Variants in APBB1IP observed in about 807,000 individuals in gnomAD.
APBB1IP encodes amyloid beta precursor protein binding family B member 1 interacting protein.
APBB1IP carries 27 observed loss-of-function variants against 64.9 expected under a neutral mutation model. The observed-to-expected ratio is 0.42, with a 90% CI of 0.31 to 0.57. The LOEUF (loss-of-function observed/expected upper bound fraction) is 0.57, where lower values mean the gene tolerates loss of function less well. Ranked by LOEUF, APBB1IP falls within the 20% of genes least tolerant of loss-of-function variation. The pLI, the probability that APBB1IP is intolerant of heterozygous loss-of-function variation, is 0.20. For synonymous variants in APBB1IP, 392 were observed against 331.0 expected, an observed-to-expected ratio of 1.18 and a Z score of -2.00; for missense variants, 812 against 845.5, an observed-to-expected ratio of 0.96 and a Z score of 0.49.
chr10:26,466,959 C>A (rs1564352435), intron 2 of APBB1IP, among the ~76,000 whole-genome samples: 1 of 151,880 alleles, frequency 6.6e-6, no homozygotes. Context: ...ATGTAGTTGT[C>A]CAGGGCAGGA....
At chr10:26,502,537 G>A (rs1038225911) in intron 5 of APBB1IP, among the ~76,000 whole-genome samples, 2 of 151,950 alleles carry the variant, frequency 1.3e-5, no homozygotes, top group African/African-American at 4.8e-5. Flanking sequence ...AGCTACTCAG[G>A]AGGCTGAGGC....
rs370531075 is a variant in APBB1IP at position 26,563,460 on chromosome 10, C to T, written c.1473+1031C>T. Among the ~76,000 whole-genome samples, 9 of 152,200 alleles carry T rather than the reference C, an allele frequency of 5.9e-5. No individual in the cohort carries two copies. In the East Asian group the frequency reaches 7.7e-4, roughly 13 times the overall value. ...TCCCCAGGTGATGGAGGAGAAAATA[C>T]ATTGTAAAATAATAGCCAAATTGGT... On this transcript the variant is annotated intron_variant, in intron 14 of 14. Transcript: ENST00000376236.
intron 2 of APBB1IP, among the ~76,000 whole-genome samples, chr10:26,440,959 T>C (rs531119075): frequency 1.1e-4 from 17 of 152,338 alleles, no homozygotes; most frequent in African/African-American, 3.6e-4. Context: ...TAAAACATTT[T>C]AGTGAGTCCA....
chr10:26,475,442 T>C (rs185227543), intron 2 of APBB1IP, among the ~76,000 whole-genome samples: 46 of 152,282 alleles, frequency 3.0e-4, no homozygotes, highest in African/African-American at 9.6e-4. Flanking sequence ...TTTCTTTGTG[T>C]GGATTTGAGT....
intron 8 of APBB1IP, among the ~76,000 whole-genome samples, chr10:26,515,993 G>A (rs1836321361): frequency 6.6e-6 from 1 of 152,142 alleles, no homozygotes; most frequent in Admixed American, 6.5e-5. Context: ...CTAAAGAAGT[G>A]GCCGAGGCAA....
At chr10:26,514,455 A>G (rs1836299438) in intron 8 of APBB1IP, among the ~76,000 whole-genome samples, 2 of 152,220 alleles carry the variant, frequency 1.3e-5, no homozygotes, top group Admixed American at 1.3e-4. Context: ...AAAAGCATAA[A>G]TTTATATTTG....
chr10:26,462,378 TC>T (rs1178331748), intron 2 of APBB1IP, among the ~76,000 whole-genome samples: 1 of 152,228 alleles, frequency 6.6e-6, no homozygotes, highest in Non-Finnish European at 1.5e-5. Flanking sequence ...GCCATTGGTT[TC>T]TGGTAGATAA....
chr10:26,541,689 A>G lies in APBB1IP; in HGVS notation c.1152A>G (p.Leu384=), dbSNP rs763833701. 1 of 1,592,720 alleles carries G rather than the reference A, an allele frequency of 6.3e-7. No homozygotes were observed. Among genetic ancestry groups the G allele is most frequent in the South Asian group, 1.1e-5 (1 of 88,080 alleles). Residue 384 remains leucine (L), a synonymous_variant, in exon 11 of 15, where the codon TTA becomes TTG. Coordinates refer to ENST00000376236, the MANE Select transcript of APBB1IP (RefSeq NM_019043.4). ...CGCCCACTGACTATTGCTTTGTTTTAAAGGTATGTTATAAGAAGTCATTCA... is the reference window on the plus strand; with the variant it reads ...CGCCCACTGACTATTGCTTTGTTTTGAAGGTATGTTATAAGAAGTCATTCA... ...YKAPTDYCFV[L]KHPQIQKESQ...
At chr10:26,489,282 A>G (rs1835928462) in intron 2 of APBB1IP, among the ~76,000 whole-genome samples, 1 of 152,238 alleles carries the variant, frequency 6.6e-6, no homozygotes, top group Admixed American at 6.5e-5. Flanking sequence ...AAGAAAAGTC[A>G]CTGCAGGGAG....
chr10:26,531,303 T>G lies in APBB1IP; in HGVS notation c.814-2136T>G, dbSNP rs1588607003. 2.0e-5 allele frequency among the ~76,000 whole-genome samples: 3 copies of G among 151,994 alleles called. No homozygotes were observed. In the South Asian group the frequency reaches 6.2e-4, roughly 32 times the overall value. ...GTGAGCCAAGATTGCACCACAGCAC[T>G]CCAGCCTGGGTGACAGAGCAAGACG... On this transcript the variant is annotated intron_variant, in intron 8 of 14. Coordinates refer to ENST00000376236, the MANE Select transcript of APBB1IP (RefSeq NM_019043.4).
At chr10:26,542,492 C>T (rs1836709026) in intron 11 of APBB1IP, among the ~76,000 whole-genome samples, 1 of 152,208 alleles carries the variant, frequency 6.6e-6, no homozygotes, top group South Asian at 2.1e-4. Flanking sequence ...TCAGATCAGT[C>T]TGATCAGGAG....
At chr10:26,562,537 C>A in intron 14 of APBB1IP, 108 bp downstream of exon 14, 2 of 875,920 alleles carry the variant, frequency 2.3e-6, no homozygotes, top group African/African-American at 1.7e-5. Flanking sequence ...CAGTAGCTCA[C>A]ACCTGTAATC....
intron 13 of APBB1IP, among the ~76,000 whole-genome samples, chr10:26,561,443 C>T (rs1836972084): frequency 6.7e-6 from 1 of 150,244 alleles, no homozygotes; most frequent in East Asian, 2.0e-4. Context: ...GGCTGGAGCC[C>T]TGTATCTATT....
chr10:26,537,403 G>A (rs1025889736), intron 10 of APBB1IP, among the ~76,000 whole-genome samples: 7 of 152,102 alleles, frequency 4.6e-5, no homozygotes, highest in African/African-American at 1.7e-4. Context: ...GGGGCATTAT[G>A]GCTAACTCTT....
In APBB1IP at chr10:26,567,350, C is replaced by A; in HGVS notation, c.1863C>A (p.Pro621=). The A allele has an allele frequency of 6.8e-7, 1 of 1,464,956 alleles. No individual in the cohort carries two copies. 90.7% of individuals were successfully genotyped at this position (1,464,956 alleles called of 1,614,324 possible). A position where few individuals can be genotyped will look rare whatever the true frequency, so the allele number is the denominator to read the frequency against. The change falls in exon 15 of 15, where the codon CCC becomes CCA. Residue 621 remains proline (P), a synonymous_variant. Coordinates refer to ENST00000376236, the MANE Select transcript of APBB1IP (RefSeq NM_019043.4). ...APVPDSARPP[P]AVAKRPPVPP... is the part of the protein sequence containing the mutation. ...TCCCCGACTCCGCCAGGCCGCCCCCCGCGGTGGCCAAGAGGCCTCCTGTGC... is the reference window on the plus strand; with the variant it reads ...TCCCCGACTCCGCCAGGCCGCCCCCAGCGGTGGCCAAGAGGCCTCCTGTGC...
chr10:26,482,604 C>A (rs534012763), intron 2 of APBB1IP, among the ~76,000 whole-genome samples: 1 of 152,164 alleles, frequency 6.6e-6, no homozygotes, highest in East Asian at 1.9e-4. Flanking sequence ...ATTTTTTTCT[C>A]CTCTTTTGTA....
At chr10:26,529,403 A>G (rs1836519843) in intron 8 of APBB1IP, among the ~76,000 whole-genome samples, 1 of 152,272 alleles carries the variant, frequency 6.6e-6, no homozygotes, top group South Asian at 2.1e-4. Flanking sequence ...AAGAAAAAAC[A>G]AAAACAGTGT....
chr10:26,510,734 T>TCTCA lies in APBB1IP; in HGVS notation c.532-1012_532-1011insTCAC, dbSNP rs375916170. 2.9e-4 allele frequency among the ~76,000 whole-genome samples: 39 copies of TCTCA among 135,984 alleles called. No homozygotes were observed. The South Asian group carries it at 6.7e-3, about 23-fold the overall frequency. The allele number at this position is 135,984 out of a possible 152,430, so 89.2% of individuals were successfully genotyped here. On this transcript the variant is annotated intron_variant, in intron 6 of 14. Transcript: ENST00000376236. Reference sequence around the variant, plus strand: ...CTAGGCAACAGAGCAAGACCCTGTCTCACACACACACACACACACACACAC... The same window carrying TCTCA: ...CTAGGCAACAGAGCAAGACCCTGTCTCTCACACACACACACACACACACACACAC...
intron 9 of APBB1IP, among the ~76,000 whole-genome samples, chr10:26,535,090 T>A (rs1836603854): frequency 6.6e-6 from 1 of 152,112 alleles, no homozygotes; most frequent in Non-Finnish European, 1.5e-5. Flanking sequence ...ACTATTTGAA[T>A]TGTAAAATAG....
Sources: allele counts gnomAD v4.1 joint callset (sites outside exome capture counted in the v4.1 genomes callset), GRCh38; gene constraint gnomAD v4.1.1; transcripts MANE v1.5; gene names NCBI Gene and HGNC (gene_info 2026-07-23, HGNC 2026-07-21).